The following FAM167A variants were observed in gnomAD, a reference collection of about 807,000 sequenced individuals.
FAM167A encodes the protein family with sequence similarity 167 member A, also known as protein FAM167A.
Under a neutral mutation model 14.9 loss-of-function variants are expected in FAM167A, and 23 were observed. The ratio of observed to expected loss-of-function variants is 1.55; its 90% CI spans 1.11 to 2.19. The LOEUF (loss-of-function observed/expected upper bound fraction) is 2.19. Among genes scored for constraint, FAM167A ranks in the 30% most tolerant of loss-of-function variants. The probability of loss-of-function intolerance (pLI) is 0.00; values close to 1 mark genes in which losing one functional copy is unlikely to be tolerated. For synonymous variants in FAM167A, 174 were observed against 117.7 expected (o/e 1.48, Z -3.10); for missense variants, 401 against 281.5 (o/e 1.42, Z -3.04).
At chr8:11,471,124 G>T (rs1317801355), upstream of FAM167A, among the ~76,000 whole-genome samples, 1 of 152,214 alleles carries the variant, frequency 6.6e-6, no homozygotes, top group Admixed American at 6.5e-5. Flanking sequence ...GTAGGGAGGT[G>T]ACAGATTCCA....
intron 2 of FAM167A, among the ~76,000 whole-genome samples, chr8:11,441,908 G>A (rs1806461969): frequency 6.6e-6 from 1 of 152,202 alleles, no homozygotes; most frequent in South Asian, 2.1e-4. Flanking sequence ...AGGGGTACCA[G>A]GAAGGTCATC....
intron 1 of FAM167A, chr8:11,445,589 A>G: frequency 4.1e-6 from 4 of 985,528 alleles, no homozygotes; most frequent in Non-Finnish European, 2.4e-6. Flanking sequence ...TAAAGACTTC[A>G]GCTATGGGAT....
chr8:11,429,464 C>G (rs978871751), intron 2 of FAM167A, among the ~76,000 whole-genome samples: 1 of 152,190 alleles, frequency 6.6e-6, no homozygotes, highest in Non-Finnish European at 1.5e-5. Context: ...TGCCAAGGGG[C>G]CCCCTGGAGG....
chr8:11,466,501 G>C (rs1355601114), intron 1 of FAM167A, 125 bp downstream of exon 1: 1 of 150,102 alleles, frequency 6.7e-6, no homozygotes, highest in Non-Finnish European at 1.5e-5. Context: ...TTTGGGATCG[G>C]GCTGCTCCGG....
upstream of FAM167A, among the ~76,000 whole-genome samples, chr8:11,469,088 T>C (rs1033810765): frequency 9.9e-5 from 15 of 152,226 alleles, no homozygotes; most frequent in Non-Finnish European, 1.8e-4. Context: ...TTTGATCATA[T>C]AGAAAAATAC....
rs536459210 is a variant in FAM167A, at chr8:11,460,404, C to A, written c.-398+6222G>T. Reference sequence around the variant, plus strand: ...TGATGACCTCCGTGCCCTCTTCCACCCTGACACATGCAGAGTCAGCCCACA... The same window carrying A: ...TGATGACCTCCGTGCCCTCTTCCACACTGACACATGCAGAGTCAGCCCACA... On this transcript the variant is annotated intron_variant, in intron 1 of 2. Transcript: ENST00000284486. Among the ~76,000 whole-genome samples the A allele has an allele frequency of 2.6e-5, 4 of 152,284 alleles. No individual in the cohort carries two copies. The South Asian group carries it at 6.2e-4, about 24-fold the overall frequency.
At position 11,422,373 on chromosome 8, in the gene FAM167A, G is replaced by GTGTGTGT. The variant is rs1554521058; in HGVS notation, c.*1999_*2000insACACACA. ...TCTCTGTCGTGTGTGTGTGTGTGGGGGTGTGTGTGTGTGTGTGTGTGTGTG... is the reference window on the plus strand; with the variant it reads ...TCTCTGTCGTGTGTGTGTGTGTGGGGTGTGTGTGTGTGTGTGTGTGTGTGTGTGTGTG... On this transcript the variant is annotated 3_prime_UTR_variant, in exon 3 of 3. Transcript: ENST00000284486. 1.7e-3 allele frequency: 209 copies of GTGTGTGT among 120,332 alleles called. No individual in the cohort carries two copies. The highest frequency in any genetic ancestry group is 3.1e-3 in the Non-Finnish European group (169 of 55,328). 7.5% of individuals were successfully genotyped at this position (120,332 alleles called of 1,614,324 possible). A position where few individuals can be genotyped will look rare whatever the true frequency, so the allele number is the denominator to read the frequency against.
At chr8:11,470,222 T>G (rs1807913119), upstream of FAM167A, among the ~76,000 whole-genome samples, 2 of 151,300 alleles carry the variant, frequency 1.3e-5, no homozygotes, top group African/African-American at 4.9e-5. Flanking sequence ...GTGCACGTTT[T>G]CAGGCAAGGT....
chr8:11,446,669 T>G (rs1208252592), intron 1 of FAM167A: 2 of 152,226 alleles, frequency 1.3e-5, no homozygotes, highest in African/African-American at 4.8e-5. Context: ...TCTAGCAGAT[T>G]GGCAGAACTA....
intron 2 of FAM167A, among the ~76,000 whole-genome samples, chr8:11,430,825 G>T (rs1344537199): frequency 6.6e-6 from 1 of 152,172 alleles, no homozygotes; most frequent in South Asian, 2.1e-4. Flanking sequence ...AAACGCAAGG[G>T]GAAGGTCAGC....
intron 2 of FAM167A, chr8:11,443,648 G>A (rs1190506643): frequency 1.6e-4 from 32 of 197,812 alleles, no homozygotes; most frequent in Admixed American, 1.1e-3. Flanking sequence ...CGGAGTGGCA[G>A]GCAGCTGGGG....
intron 1 of FAM167A, among the ~76,000 whole-genome samples, chr8:11,454,322 C>G (rs1051534650): frequency 1.6e-4 from 25 of 152,336 alleles, no homozygotes; most frequent in Admixed American, 7.2e-4. Flanking sequence ...CAGAGAGACT[C>G]GTGGCTTCAC....
In FAM167A at chr8:11,423,866, TGTCA is replaced by T. The variant is rs1182362385; in HGVS notation, c.*503_*506del. On this transcript the variant is annotated 3_prime_UTR_variant, in exon 3 of 3. Transcript: ENST00000284486. ...CGATTTTCCCTTCCTAGTAGCTCCC[TGTCA>T]ATGTTGCTGAGTCATGTACTTAGGG... The T allele has an allele frequency of 1.9e-5, 3 of 157,942 alleles. No individual in the cohort carries two copies. The highest frequency in any genetic ancestry group is 1.8e-4 in the East Asian group (1 of 5,554). 9.8% of individuals were successfully genotyped at this position (157,942 alleles called of 1,614,324 possible). A position where few individuals can be genotyped will look rare whatever the true frequency, so the allele number is the denominator to read the frequency against.
intron 1 of FAM167A, among the ~76,000 whole-genome samples, chr8:11,464,973 C>T (rs1030169368): frequency 1.3e-5 from 2 of 152,126 alleles, no homozygotes; most frequent in Non-Finnish European, 2.9e-5. Context: ...GAAATCCATG[C>T]ATGTAATTGC....
At chr8:11,469,675 T>A (rs1807892422), upstream of FAM167A, among the ~76,000 whole-genome samples, 1 of 151,526 alleles carries the variant, frequency 6.6e-6, no homozygotes, top group South Asian at 2.1e-4. Context: ...GAGACCAGCC[T>A]GGGCAACATG....
rs532328267 is a variant in FAM167A at position 11,449,225 on chromosome 8, GT to G, written c.-397-4418del. On this transcript the variant is annotated intron_variant, in intron 1 of 2. Coordinates refer to ENST00000284486, the MANE Select transcript of FAM167A (RefSeq NM_053279.3). ...CTGGTGCCTGAACAAGCCCAAAGGG[GT>G]TTCTTCCCTCCCACTAGGCACAGGA... Among the ~76,000 whole-genome samples, 113 of 152,332 alleles carry G rather than the reference GT, an allele frequency of 7.4e-4. 2 individuals carry two copies. Among genetic ancestry groups the G allele is most frequent in the African/African-American group, 2.6e-3 (108 of 41,586 alleles).
chr8:11,455,139 C>CGTGT (rs34859056), intron 1 of FAM167A, among the ~76,000 whole-genome samples: 8 of 143,442 alleles, frequency 5.6e-5, no homozygotes, highest in Non-Finnish European at 6.3e-5. Context: ...TGTGTGTGTG[C>CGTGT]GTGTGTGTGT....
intron 1 of FAM167A, among the ~76,000 whole-genome samples, chr8:11,447,767 T>G (rs117893146): frequency 0.032 from 4,871 of 152,314 alleles, 123 homozygotes; most frequent in Non-Finnish European, 0.052. Context: ...GCCATTGGCT[T>G]TGTGACGCTG....
intron 1 of FAM167A, among the ~76,000 whole-genome samples, chr8:11,475,105 G>C (rs1328229777): frequency 6.6e-6 from 1 of 152,138 alleles, no homozygotes; most frequent in Admixed American, 6.5e-5. Flanking sequence ...CAGCAGACTG[G>C]GCAGTCCAGT....
Sources: gnomAD v4.1 joint callset for allele counts (sites outside exome capture counted in the v4.1 genomes callset) on GRCh38, gnomAD v4.1.1 for gene constraint, MANE v1.5 for transcripts, NCBI Gene and HGNC (gene_info 2026-07-23, HGNC 2026-07-21) for gene names.